TCEA1: variants seen among roughly 807,000 people sequenced by gnomAD.
The protein encoded by TCEA1 is transcription elongation factor A1.
A neutral mutation model predicts 43.8 loss-of-function variants in TCEA1; 21 were observed. The observed-to-expected ratio is 0.48, with a 90% CI of 0.34 to 0.69. TCEA1 has a LOEUF of 0.69. TCEA1 is among the 30% of genes least tolerant of loss of function. The probability of loss-of-function intolerance (pLI) is 0.01; values close to 1 mark genes in which losing one functional copy is unlikely to be tolerated. For missense variants in TCEA1, 250 were observed against 365.1 expected (o/e 0.68, Z 2.57); for synonymous variants, 104 against 117.5 (o/e 0.88, Z 0.75).
intron 3 of TCEA1, among the ~76,000 whole-genome samples, chr8:53,997,013 C>T (rs1458259473): frequency 6.6e-6 from 1 of 151,034 alleles, no homozygotes; most frequent in Non-Finnish European, 1.5e-5. Context: ...CATTCTCCTG[C>T]CTCAGCCTCT....
rs1803625796 is a variant in TCEA1, at chr8:53,984,555, A to G, written c.524-38T>C. The G allele has an allele frequency of 2.0e-6, 3 of 1,502,442 alleles. No homozygotes were observed. The East Asian group carries it at 7.0e-5, about 35-fold the overall frequency. The allele number at this position is 1,502,442 out of a possible 1,614,324, so 93.1% of individuals were successfully genotyped here. On this transcript the variant is annotated intron_variant, in intron 6 of 9. Coordinates refer to ENST00000521604, the MANE Select transcript of TCEA1 (RefSeq NM_006756.4). ...TAAGGAAAAAAGGCAAAATTACAAA[A>G]GTAAGATCACTTTTTTTTCCTGTTC...
At chr8:54,002,868 G>C (rs1469494220) in intron 2 of TCEA1, 1 of 456,196 alleles carries the variant, frequency 2.2e-6, no homozygotes, top group South Asian at 1.5e-5. Context: ...TAGAACATCA[G>C]GTATACAGAA....
At chr8:54,000,823 C>T (rs1274152087) in intron 2 of TCEA1, among the ~76,000 whole-genome samples, 1 of 149,486 alleles carries the variant, frequency 6.7e-6, no homozygotes, top group Non-Finnish European at 1.5e-5. Flanking sequence ...CAGTGGGGCA[C>T]GATATTGGCT....
intron 7 of TCEA1, among the ~76,000 whole-genome samples, chr8:53,981,329 G>A (rs374652186): frequency 2.6e-5 from 4 of 152,198 alleles, no homozygotes; most frequent in East Asian, 3.9e-4. Context: ...CAGCTAAAGA[G>A]AAGAAGTCAA....
In TCEA1 at chr8:54,001,462, A is replaced by T. The variant is rs180732431; in HGVS notation, c.127-1412T>A. Among the ~76,000 whole-genome samples, 483 of 152,348 alleles carry T rather than the reference A, an allele frequency of 3.2e-3. 3 individuals are homozygous for T. The highest frequency in any genetic ancestry group is 0.01 in the African/African-American group (433 of 41,586). On this transcript the variant is annotated intron_variant, in intron 2 of 9. Coordinates refer to ENST00000521604, the MANE Select transcript of TCEA1 (RefSeq NM_006756.4). ...TATCTCTTAGAAAGCTGAGCAAAAC[A>T]GACAAGATTGAACAGCAGAAAGATA...
intron 2 of TCEA1, among the ~76,000 whole-genome samples, chr8:54,004,974 T>C (rs1804393572): frequency 6.9e-6 from 1 of 145,264 alleles, no homozygotes; most frequent in South Asian, 2.3e-4. Flanking sequence ...AATCTATTAC[T>C]AGCCCAAATA....
At chr8:53,996,723 T>C (rs924775106) in intron 3 of TCEA1, among the ~76,000 whole-genome samples, 1 of 152,002 alleles carries the variant, frequency 6.6e-6, no homozygotes, top group Non-Finnish European at 1.5e-5. Flanking sequence ...AAAAACAAAC[T>C]ATTTTCATTA....
intron 2 of TCEA1, among the ~76,000 whole-genome samples, chr8:54,008,054 C>T (rs1213712616): frequency 6.6e-6 from 1 of 151,180 alleles, no homozygotes. Context: ...TGGCGGCAGG[C>T]GCCCGTAATC....
intron 9 of TCEA1, among the ~76,000 whole-genome samples, chr8:53,968,531 C>T (rs768880189): frequency 1.8e-4 from 27 of 152,104 alleles, no homozygotes; most frequent in Admixed American, 1.0e-3. Context: ...CTGCACTGTA[C>T]ACCTCATCAC....
At chr8:53,999,218 C>T (rs1804169823) in intron 3 of TCEA1, among the ~76,000 whole-genome samples, 1 of 102,010 alleles carries the variant, frequency 9.8e-6, no homozygotes, top group African/African-American at 4.1e-5. Context: ...GAGTGAGACT[C>T]AGTCTCAAAA....
chr8:54,004,878 G>T (rs1397345902), intron 2 of TCEA1, among the ~76,000 whole-genome samples: 1 of 151,956 alleles, frequency 6.6e-6, no homozygotes, highest in African/African-American at 2.4e-5. Flanking sequence ...TATTCAGCAT[G>T]TGGAATAATA....
At chr8:54,006,611 C>T (rs1489202939) in intron 2 of TCEA1, among the ~76,000 whole-genome samples, 1 of 152,214 alleles carries the variant, frequency 6.6e-6, no homozygotes, top group African/African-American at 2.4e-5. Flanking sequence ...TAACTCTACA[C>T]GTGCCTGTTA....
intron 4 of TCEA1, among the ~76,000 whole-genome samples, chr8:53,993,127 A>ATTTTTTTTTTT (rs11306062): frequency 1.2e-5 from 1 of 84,188 alleles, no homozygotes; most frequent in Non-Finnish European, 2.2e-5. Flanking sequence ...TACATGGCTA[A>ATTTTTTTTTTT]TTTTTTTTTT....
intron 9 of TCEA1, among the ~76,000 whole-genome samples, chr8:53,969,655 T>C (rs1421998798): frequency 6.6e-6 from 1 of 152,152 alleles, no homozygotes; most frequent in African/African-American, 2.4e-5. Flanking sequence ...ATAAGAACAA[T>C]ATAGTTCAGT....
chr8:54,002,573 G>GA (rs11389541), intron 2 of TCEA1, among the ~76,000 whole-genome samples: 29,974 of 136,804 alleles, frequency 0.22, 4,145 homozygotes, highest in East Asian at 0.72. Flanking sequence ...TGGAAAAAAT[G>GA]AAAAAAAAAA....
At chr8:53,989,409 T>C (rs1803800373) in intron 4 of TCEA1, among the ~76,000 whole-genome samples, 1 of 152,208 alleles carries the variant, frequency 6.6e-6, no homozygotes, top group African/African-American at 2.4e-5. Context: ...TCCATAGATG[T>C]GGTTTGCTGC....
chr8:54,015,928 T>A (rs758875900), intron 1 of TCEA1, among the ~76,000 whole-genome samples: 1 of 152,188 alleles, frequency 6.6e-6, no homozygotes, highest in Non-Finnish European at 1.5e-5. Context: ...AATGAAAAGA[T>A]GCTCAACATT....
intron 9 of TCEA1, among the ~76,000 whole-genome samples, chr8:53,969,012 G>A (rs1585980114): frequency 6.6e-6 from 1 of 152,162 alleles, no homozygotes; most frequent in South Asian, 2.1e-4. Flanking sequence ...GTACTGGGCC[G>A]GCCACGGTGG....
At chr8:54,016,877 G>A (rs904718364) in intron 1 of TCEA1, among the ~76,000 whole-genome samples, 9 of 149,334 alleles carry the variant, frequency 6.0e-5, no homozygotes, top group Non-Finnish European at 8.9e-5. Context: ...GGGAGGCTGA[G>A]ACAGGAGAAC....
Sources: gnomAD v4.1 joint callset for allele counts (sites outside exome capture counted in the v4.1 genomes callset) on GRCh38, gnomAD v4.1.1 for gene constraint, MANE v1.5 for transcripts, NCBI Gene and HGNC (gene_info 2026-07-23, HGNC 2026-07-21) for gene names.